Variants in GALNT9 observed in about 807,000 individuals in gnomAD.
The protein encoded by GALNT9 is GalNAc transferase 9.
In GALNT9, 47 loss-of-function variants were observed where a neutral mutation model predicts 63.1. That is an observed-to-expected ratio of 0.75 (90% CI 0.59 to 0.95). GALNT9 has a LOEUF of 0.95. Among genes scored for constraint, GALNT9 ranks in the 40% least tolerant of loss-of-function variants. GALNT9 has a pLI of 0.00. For synonymous variants in GALNT9, 396 were observed against 365.7 expected (o/e 1.08, Z -0.94); for missense variants, 829 against 874.8 (o/e 0.95, Z 0.66).
At chr12:132,250,911 C>T (rs75308084) in intron 5 of GALNT9, among the ~76,000 whole-genome samples, 4,246 of 152,318 alleles carry the variant, frequency 0.028, 199 homozygotes, top group African/African-American at 0.096. Flanking sequence ...GGACCTGTCG[C>T]CTGCACACGT....
chr12:132,327,954 C>A lies in GALNT9; in HGVS notation c.238+1012G>T, dbSNP rs900235037. ...CGCCTGCCCGCGTAACCCCAGCTCC[C>A]GTCACCTCCCACTCGAGCCTGTTAC... On this transcript the variant is annotated intron_variant, in intron 1 of 10. Transcript: ENST00000328957. The surrounding 1 kb of genome is among the most constrained non-coding windows in gnomAD (Gnocchi z 4.3). Among the ~76,000 whole-genome samples, 1 of 152,162 alleles carries A rather than the reference C, an allele frequency of 6.6e-6. No individual in the cohort carries two copies. Among genetic ancestry groups the A allele is most frequent in the Non-Finnish European group, 1.5e-5 (1 of 68,030 alleles).
intron 5 of GALNT9, among the ~76,000 whole-genome samples, chr12:132,248,283 G>T (rs561139214): frequency 3.6e-4 from 55 of 152,342 alleles, no homozygotes; most frequent in Non-Finnish European, 1.5e-4. Flanking sequence ...GACAGAACCC[G>T]CATTCAATTC....
intron 6 of GALNT9, among the ~76,000 whole-genome samples, chr12:132,235,090 A>G (rs1474955272): frequency 0.013 from 997 of 75,524 alleles, 86 homozygotes; most frequent in Admixed American, 0.065. Context: ...TGGAGTCCCT[A>G]GTGCCACACA....
At chr12:132,229,451 C>T (rs1372455633) in intron 6 of GALNT9, among the ~76,000 whole-genome samples, 1 of 152,290 alleles carries the variant, frequency 6.6e-6, no homozygotes, top group East Asian at 1.9e-4. Context: ...CTGGCACGAG[C>T]ACTTTATGGA....
At chr12:132,206,497 A>T (rs1490143702) in intron 6 of GALNT9, among the ~76,000 whole-genome samples, 1 of 152,200 alleles carries the variant, frequency 6.6e-6, no homozygotes, top group African/African-American at 2.4e-5. Flanking sequence ...AAATACAAAA[A>T]TTAGCTGGGC....
intron 2 of GALNT9, chr12:132,276,365 C>T (rs369844810): frequency 6.4e-6 from 1 of 155,046 alleles, no homozygotes; most frequent in Admixed American, 6.5e-5. Context: ...CCACATGGCT[C>T]GCCGCCTATC....
In GALNT9 at chr12:132,236,309, G is replaced by A. The variant is rs2136894596; in HGVS notation, c.1077+11601C>T. Among the ~76,000 whole-genome samples the A allele has an allele frequency of 6.6e-6, 1 of 152,228 alleles. No individual in the cohort carries two copies. Among genetic ancestry groups the A allele is most frequent in the South Asian group, 2.1e-4 (1 of 4,826 alleles). On this transcript the variant is annotated intron_variant, in intron 6 of 10. Transcript: ENST00000328957. This position sits in a 1 kb window ranked among gnomAD's most constrained non-coding sequence, Gnocchi z 5.6. ...GCCATGGCCCTGGAGTGGGGGTCGCGGTGGGCCTGGGTCGGGGCCAAGGGA... is the reference window on the plus strand; with the variant it reads ...GCCATGGCCCTGGAGTGGGGGTCGCAGTGGGCCTGGGTCGGGGCCAAGGGA...
At position 132,282,400 on chromosome 12, in the gene GALNT9, TGCGC is replaced by T. The variant is rs1880391355; in HGVS notation, c.419+3846_419+3849del. ...AAAGAAAAAACTAAAAATACGTGTG[TGCGC>T]GTGTGTGCGTGTGTGTGCGTGTGTG... On this transcript the variant is annotated intron_variant, in intron 2 of 10. Transcript: ENST00000328957. The surrounding 1 kb of genome is among the most constrained non-coding windows in gnomAD (Gnocchi z 4.5). 6.7e-6 allele frequency among the ~76,000 whole-genome samples: 1 copy of T among 149,334 alleles called. No homozygotes were observed. The highest frequency in any genetic ancestry group is 2.6e-5 in the African/African-American group (1 of 39,100).
intron 1 of GALNT9, among the ~76,000 whole-genome samples, chr12:132,290,074 T>C (rs782114591): frequency 6.6e-6 from 1 of 152,174 alleles, no homozygotes; most frequent in African/African-American, 2.4e-5. Flanking sequence ...AGCACCCACG[T>C]TCCTGGCCAT....
intron 2 of GALNT9, among the ~76,000 whole-genome samples, chr12:132,267,250 C>A (rs976537058): frequency 1.5e-4 from 23 of 151,468 alleles, no homozygotes; most frequent in African/African-American, 5.4e-4. Flanking sequence ...GGCAGGGCCA[C>A]ATGGCGCCAG....
chr12:132,199,261 G>A lies in GALNT9; in HGVS notation c.1410C>T (p.Asn470=), dbSNP rs1226895627. ...CCAGACAGTAGGCACTGGCTTTGCT[G>A]TTTCTCACCTGCAAGCAGAAGCCCC... The part of the protein sequence containing the change: ...NNTLTYGEVR[N]SKASAYCLDQ... Residue 470 remains asparagine (N), a synonymous_variant, in exon 9 of 11, where the codon AAC becomes AAT. Transcript: ENST00000328957. 1 of 1,603,012 alleles carries A rather than the reference G, an allele frequency of 6.2e-7. No individual in the cohort carries two copies. Among genetic ancestry groups the A allele is most frequent in the African/African-American group, 1.3e-5 (1 of 74,924 alleles).
intron 6 of GALNT9, among the ~76,000 whole-genome samples, chr12:132,233,494 C>T (rs1378970820): frequency 2.2e-5 from 1 of 45,478 alleles, no homozygotes; most frequent in African/African-American, 1.5e-4. Flanking sequence ...GAGGAGACAG[C>T]GTGGAGTCCC....
At chr12:132,230,679 G>C (rs909810571) in intron 6 of GALNT9, among the ~76,000 whole-genome samples, 10 of 152,252 alleles carry the variant, frequency 6.6e-5, no homozygotes, top group Non-Finnish European at 1.5e-4. Context: ...AATCAGAAGG[G>C]TGAGGCCCGG....
chr12:132,278,718 G>A (rs1555241443), intron 2 of GALNT9: 1 of 152,284 alleles, frequency 6.6e-6, no homozygotes, highest in African/African-American at 2.4e-5. Flanking sequence ...CAGCACCAAA[G>A]GGTGTTCCCA....
Position 132,286,473 on chromosome 12 carries a change from C to CCAG in GALNT9, c.239-44_239-43insCTG. Reference sequence around the variant, plus strand: ...AGGGAGGTCAGGCAGGCCCAGGACACGCTGCGTCTGCACCCAGGAGACGCC... The same window carrying CCAG: ...AGGGAGGTCAGGCAGGCCCAGGACACCAGGCTGCGTCTGCACCCAGGAGACGCC... On this transcript the variant is annotated intron_variant, in intron 1 of 10. Transcript: ENST00000328957. This position sits in a 1 kb window ranked among gnomAD's most constrained non-coding sequence, Gnocchi z 7.4. 6.6e-7 allele frequency: 1 copy of CCAG among 1,519,410 alleles called. No individual in the cohort carries two copies. Among genetic ancestry groups the CCAG allele is most frequent in the Non-Finnish European group, 8.8e-7 (1 of 1,132,502 alleles). The allele number at this position is 1,519,410 out of a possible 1,614,324, so 94.1% of individuals were successfully genotyped here.
At chr12:132,284,487 C>T (rs1266651865) in intron 2 of GALNT9, 3 of 152,224 alleles carry the variant, frequency 2.0e-5, no homozygotes, top group African/African-American at 7.2e-5. Context: ...AAACTAAATG[C>T]ATTTTTTATT....
In GALNT9 at chr12:132,238,310, TG is replaced by T. The variant is rs1221111717; in HGVS notation, c.1077+9599del. 1.4e-5 allele frequency among the ~76,000 whole-genome samples: 2 copies of T among 144,380 alleles called. No homozygotes were observed. The highest frequency in any genetic ancestry group is 3.0e-5 in the Non-Finnish European group (2 of 65,756). 94.7% of individuals were successfully genotyped at this position (144,380 alleles called of 152,430 possible). A position where few individuals can be genotyped will look rare whatever the true frequency, so the allele number is the denominator to read the frequency against. On this transcript the variant is annotated intron_variant, in intron 6 of 10. Coordinates refer to ENST00000328957, the MANE Select transcript of GALNT9 (RefSeq NM_001122636.2). The surrounding 1 kb of genome is among the most constrained non-coding windows in gnomAD (Gnocchi z 6.5). Reference sequence around the variant, plus strand: ...GAGGACTCCCCTTTGCAGGTAGCTCTGGGGTCACTGGCGAGGGGGACAGAGC... The same window carrying T: ...GAGGACTCCCCTTTGCAGGTAGCTCTGGGTCACTGGCGAGGGGGACAGAGC...
intron 5 of GALNT9, among the ~76,000 whole-genome samples, chr12:132,250,360 G>A (rs950558454): frequency 2.0e-5 from 3 of 152,238 alleles, no homozygotes; most frequent in South Asian, 2.1e-4. Flanking sequence ...GGAACGAGAC[G>A]GAGGTGGCAG....
intron 2 of GALNT9, chr12:132,277,539 G>A (rs1880147855): frequency 6.5e-6 from 1 of 153,456 alleles, no homozygotes; most frequent in Non-Finnish European, 1.5e-5. Flanking sequence ...GGAGCGCTGG[G>A]ACTGGCAGGA....
Sources: allele counts gnomAD v4.1 joint callset (sites outside exome capture counted in the v4.1 genomes callset), GRCh38; gene constraint gnomAD v4.1.1; non-coding constraint Gnocchi (gnomAD v3.1); transcripts MANE v1.5; gene names NCBI Gene and HGNC (gene_info 2026-07-23, HGNC 2026-07-21).